OGFOD2: variants seen among roughly 807,000 people sequenced by gnomAD.
OGFOD2 encodes 2-oxoglutarate and iron-dependent oxygenase domain-containing protein 2.
Under a neutral mutation model 31.1 loss-of-function variants are expected in OGFOD2, and 34 were observed. The ratio of observed to expected loss-of-function variants is 1.09; its 90% CI spans 0.83 to 1.45. The LOEUF (loss-of-function observed/expected upper bound fraction) is 1.45, where lower values mean the gene tolerates loss of function less well. Ranked by LOEUF, OGFOD2 falls within the 40% of genes most tolerant of loss-of-function variation. OGFOD2 has a pLI of 0.00. For synonymous variants in OGFOD2, 240 were observed against 192.3 expected (o/e 1.25, Z -2.05); for missense variants, 537 against 433.9 (o/e 1.24, Z -2.11).
At position 122,978,338 on chromosome 12, in the gene OGFOD2, AG is replaced by A. The variant is rs2037493842; in HGVS notation, c.404-102del. 2.8e-6 allele frequency: 4 copies of A among 1,423,696 alleles called. No homozygotes were observed. In the South Asian group the frequency reaches 5.1e-5, roughly 18 times the overall value. The allele number at this position is 1,423,696 out of a possible 1,614,324, so 88.2% of individuals were successfully genotyped here. A position where few individuals can be genotyped will look rare whatever the true frequency, so the allele number is the denominator to read the frequency against. On this transcript the variant is annotated intron_variant, in intron 4 of 6. Coordinates refer to ENST00000228922, the Ensembl canonical transcript of OGFOD2. ...TCATCACAATAGCCCTGAAAAGCAA[AG>A]GCCTCATCTCCATGGCACAGGTGAT...
At chr12:122,977,089 A>G (rs776323563) in intron 4 of OGFOD2, 119 bp downstream of exon 4, 8 of 926,590 alleles carry the variant, frequency 8.6e-6, no homozygotes, top group African/African-American at 3.3e-5. Flanking sequence ...AACCAGCAGG[A>G]GCTGGAAGGG....
exon 7 of OGFOD2, chr12:122,979,109 G>A: frequency 1.9e-6 from 3 of 1,601,706 alleles, no homozygotes; most frequent in East Asian, 2.2e-5. Context: ...CGGAGCCCCT[G>A]GAGGTGGAGC....
At chr12:122,975,089 A>G (rs2037367828), upstream of OGFOD2, 2 of 493,362 alleles carry the variant, frequency 4.1e-6, no homozygotes, top group Admixed American at 6.8e-5. Context: ...CCGGCCCAGG[A>G]GCATCTTTCT....
chr12:122,975,407 C>T (rs1027330026), intron 1 of OGFOD2, 24 bp downstream of exon 1: 2 of 688,566 alleles, frequency 2.9e-6, no homozygotes, highest in South Asian at 1.5e-5. Context: ...GTCGTCCCTA[C>T]GGAGCAGTGG....
In OGFOD2 at chr12:122,975,236, CT is replaced by C. The variant is rs1419419036; in HGVS notation, c.-15del. 4 of 660,816 alleles carry C rather than the reference CT, an allele frequency of 6.1e-6. No individual in the cohort carries two copies. The Admixed American group carries it at 6.8e-5, about 11-fold the overall frequency. 40.9% of individuals were successfully genotyped at this position (660,816 alleles called of 1,614,324 possible). ...AGTCTCTCTACGGAAGCTGGTAGGG[CT>C]GTGGGTGCTTCACTATGGCGACGGT... is the stretch of plus-strand genomic sequence containing the variant. On this transcript the variant is annotated 5_prime_UTR_variant, in exon 1 of 7. Coordinates refer to ENST00000228922, the Ensembl canonical transcript of OGFOD2.
At chr12:122,978,326 C>T in intron 4 of OGFOD2, 116 bp from the exon 5 acceptor site, 1 of 1,305,222 alleles carries the variant, frequency 7.7e-7, no homozygotes, top group Non-Finnish European at 1.1e-6. Flanking sequence ...TCACAATAGC[C>T]CTGAAAAGCA....
Position 122,978,444 on chromosome 12 carries a change from G to A in OGFOD2, c.406G>A (p.Glu136Lys), listed in dbSNP as rs764473784. Residue 136 changes from glutamate (E) to lysine (K), a missense_variant and splice_region_variant, in exon 5 of 7, where the codon GAG becomes AAG. Physicochemically the swap from Glu to Lys is moderately conservative, Grantham distance 56. Transcript: ENST00000228922. ...ACAGACCATCCCTCCTTCCACAGAGGAGAAGCGCATCTACCGGGTGCCTGT... is the reference window on the plus strand; with the variant it reads ...ACAGACCATCCCTCCTTCCACAGAGAAGAAGCGCATCTACCGGGTGCCTGT... 14 of 1,613,308 alleles carry A rather than the reference G, an allele frequency of 8.7e-6. 1 individual carries two copies. In the Admixed American group the frequency reaches 2.0e-4, roughly 23 times the overall value.
exon 6 of OGFOD2, chr12:122,978,807 C>G: frequency 1.2e-6 from 2 of 1,612,298 alleles, no homozygotes; most frequent in South Asian, 1.1e-5. Context: ...ACTGCGGGAG[C>G]GCTTCCTGCA....
chr12:122,977,219 T>C (rs2037461993), intron 4 of OGFOD2: 2 of 517,614 alleles, frequency 3.9e-6, no homozygotes, highest in South Asian at 1.9e-5. Context: ...CAGCAAATAG[T>C]GGATATTTGT....
chr12:122,979,341 A>G (rs1390260915), exon 7 of OGFOD2: 1 of 1,600,314 alleles, frequency 6.2e-7, no homozygotes, highest in Non-Finnish European at 8.5e-7. Context: ...ATGTGCGCTC[A>G]CCTGAGCTTG....
intron 4 of OGFOD2, chr12:122,977,581 C>T (rs1377658067): frequency 5.4e-6 from 1 of 184,196 alleles, no homozygotes; most frequent in African/African-American, 2.4e-5. Flanking sequence ...CAGTAACCCC[C>T]TCTCTTAAGG....
chr12:122,976,218 C>G (rs762799055), intron 2 of OGFOD2: 1 of 631,012 alleles, frequency 1.6e-6, no homozygotes, highest in Non-Finnish European at 2.8e-6. Flanking sequence ...CTTCCAGGCC[C>G]CTGGGCTCCT....
intron 1 of OGFOD2, 180 bp from the exon 2 acceptor site, chr12:122,975,631 C>A (rs2037396727): frequency 1.7e-6 from 1 of 605,696 alleles, no homozygotes; most frequent in African/African-American, 1.8e-5. Context: ...CTTGCCGCCT[C>A]ACAGCAACAC....
intron 2 of OGFOD2, chr12:122,976,084 G>T (rs991376727): frequency 1.7e-6 from 1 of 596,936 alleles, no homozygotes; most frequent in Non-Finnish European, 3.0e-6. Flanking sequence ...TAGTCATGCC[G>T]TTCTTAACAG....
chr12:122,978,177 T>C, intron 4 of OGFOD2: 1 of 351,682 alleles, frequency 2.8e-6, no homozygotes, highest in East Asian at 5.0e-5. Flanking sequence ...TTCCTTCCCC[T>C]CTCTGGGCCT....
rs565765262 is a variant in OGFOD2, at chr12:122,978,851, C to T, written c.630C>T (p.Gly210=). The change falls in exon 6 of 7, where the codon GGC becomes GGT. Residue 210 remains glycine (G), a synonymous_variant. Coordinates refer to ENST00000228922, the Ensembl canonical transcript of OGFOD2. The stretch of plus-strand genomic sequence containing the variant: ...TGGCCCTGCTGTACCCTGACTGTGG[C>T]GGGGGCCGGCTCGACAGCCACCGGG... 8.9e-5 allele frequency: 143 copies of T among 1,610,918 alleles called. 1 individual carries two copies. In the South Asian group the frequency reaches 1.1e-3, roughly 12 times the overall value.
chr12:122,975,747 G>A (rs1347302297), intron 1 of OGFOD2, 64 bp from the exon 2 acceptor site: 3 of 673,122 alleles, frequency 4.5e-6, no homozygotes, highest in Admixed American at 2.0e-5. Flanking sequence ...GGAAACTGAG[G>A]CTTAGAGAGT....
chr12:122,976,507 G>A (rs2037435198), intron 2 of OGFOD2, 147 bp from the exon 3 acceptor site: 10 of 1,387,438 alleles, frequency 7.2e-6, no homozygotes, highest in South Asian at 1.2e-5. Context: ...GGAACTTGCA[G>A]TTGACCCAGA....
At position 122,975,407 on chromosome 12, in the gene OGFOD2, C is replaced by G. The variant is rs1027330026; in HGVS notation, c.132+24C>G. 5.8e-6 allele frequency: 4 copies of G among 688,448 alleles called. No individual in the cohort carries two copies. The African/African-American group carries it at 7.1e-5, about 12-fold the overall frequency. The allele number at this position is 688,448 out of a possible 1,614,324, so 42.6% of individuals were successfully genotyped here. A position where few individuals can be genotyped will look rare whatever the true frequency, so the allele number is the denominator to read the frequency against. Reference sequence around the variant, plus strand: ...CGGTGAGTGGCCGCTGTCGTCCCTACGGAGCAGTGGGCAGAGAGGGGTAGT... The same window carrying G: ...CGGTGAGTGGCCGCTGTCGTCCCTAGGGAGCAGTGGGCAGAGAGGGGTAGT... On this transcript the variant is annotated intron_variant, in intron 1 of 6. Coordinates refer to ENST00000228922, the Ensembl canonical transcript of OGFOD2.
Sources: gnomAD v4.1 joint callset for allele counts on GRCh38, gnomAD v4.1.1 for gene constraint, MANE v1.5 for transcripts, NCBI Gene and HGNC (gene_info 2026-07-23, HGNC 2026-07-21) for gene names.